The following CTNNA3 variants were observed in gnomAD, a reference collection of about 807,000 sequenced individuals.
CTNNA3 encodes catenin alpha-3.
Under a neutral mutation model 95.7 loss-of-function variants are expected in CTNNA3, and 76 were observed. That is an observed-to-expected ratio of 0.79 (90% CI 0.66 to 0.96). The LOEUF (loss-of-function observed/expected upper bound fraction) is 0.96, where lower values mean the gene tolerates loss of function less well. CTNNA3 is among the 40% of genes least tolerant of loss of function. The probability of loss-of-function intolerance (pLI) is 0.00; values close to 1 mark genes in which losing one functional copy is unlikely to be tolerated. For synonymous variants in CTNNA3, 431 were observed against 374.4 expected (o/e 1.15, Z -1.74); for missense variants, 1,191 against 1,089.8 (o/e 1.09, Z -1.31).
intron 7 of CTNNA3, among the ~76,000 whole-genome samples, chr10:66,885,768 A>C (rs1845019768): frequency 6.6e-6 from 1 of 152,182 alleles, no homozygotes; most frequent in African/African-American, 2.4e-5. Context: ...TGAATAAAGG[A>C]TAATAGAAAG....
chr10:67,405,519 A>T (rs1312056702), intron 5 of CTNNA3, among the ~76,000 whole-genome samples: 5 of 152,246 alleles, frequency 3.3e-5, no homozygotes, highest in African/African-American at 1.2e-4. Context: ...ATGTGCACCC[A>T]AAACAGGAAC....
At chr10:67,479,317 T>A (rs1180611796) in intron 5 of CTNNA3, among the ~76,000 whole-genome samples, 1 of 152,122 alleles carries the variant, frequency 6.6e-6, no homozygotes, top group Non-Finnish European at 1.5e-5. Flanking sequence ...CACCTGTACA[T>A]GGAACATACT....
At chr10:67,380,290 T>C (rs1843888396) in intron 5 of CTNNA3, among the ~76,000 whole-genome samples, 1 of 152,146 alleles carries the variant, frequency 6.6e-6, no homozygotes, top group South Asian at 2.1e-4. Flanking sequence ...TTCATTCCAC[T>C]TAGAAATTCT....
intron 13 of CTNNA3, among the ~76,000 whole-genome samples, chr10:66,154,976 T>C (rs949501561): frequency 6.6e-6 from 1 of 151,514 alleles, no homozygotes; most frequent in South Asian, 2.1e-4. Flanking sequence ...TTGTGAGGCA[T>C]ACAATATTTT....
chr10:67,632,686 G>A (rs1176302440), intron 2 of CTNNA3, among the ~76,000 whole-genome samples: 6 of 152,108 alleles, frequency 3.9e-5, no homozygotes, highest in Non-Finnish European at 8.8e-5. Context: ...CGTGGATCAG[G>A]AGATCCTCTC....
upstream of CTNNA3, among the ~76,000 whole-genome samples, chr10:67,700,873 T>A (rs563120665): frequency 1.2e-4 from 18 of 152,162 alleles, no homozygotes; most frequent in South Asian, 1.7e-3. Context: ...AGTTGAAAAC[T>A]TTGAAAAAAA....
chr10:66,317,935 G>A (rs2092124033), intron 12 of CTNNA3, among the ~76,000 whole-genome samples: 1 of 151,902 alleles, frequency 6.6e-6, no homozygotes, highest in South Asian at 2.1e-4. Flanking sequence ...ATTTTATAGA[G>A]TCGGATATTT....
intron 10 of CTNNA3, among the ~76,000 whole-genome samples, chr10:66,616,688 T>A (rs1292897178): frequency 2.0e-5 from 3 of 152,052 alleles, no homozygotes; most frequent in African/African-American, 7.2e-5. Context: ...GAAACCTACG[T>A]GAATTCAATT....
chr10:67,058,850 C>A (rs1387285989), intron 7 of CTNNA3, among the ~76,000 whole-genome samples: 1 of 152,124 alleles, frequency 6.6e-6, no homozygotes, highest in African/African-American at 2.4e-5. Context: ...AGACACATAT[C>A]AATTTCTAAG....
At chr10:67,679,272 C>A (rs1282348298) in intron 1 of CTNNA3, among the ~76,000 whole-genome samples, 1 of 152,020 alleles carries the variant, frequency 6.6e-6, no homozygotes, top group Non-Finnish European at 1.5e-5. Flanking sequence ...TGGCTTCTAC[C>A]CACTAGATGC....
intron 7 of CTNNA3, among the ~76,000 whole-genome samples, chr10:67,069,383 T>C (rs1414265972): frequency 6.6e-6 from 1 of 152,076 alleles, no homozygotes; most frequent in Non-Finnish European, 1.5e-5. Flanking sequence ...TTTCCAAGAA[T>C]AGGAAGCTTA....
At chr10:66,268,020 A>C (rs1040752291) in intron 13 of CTNNA3, among the ~76,000 whole-genome samples, 1 of 152,144 alleles carries the variant, frequency 6.6e-6, no homozygotes, top group Non-Finnish European at 1.5e-5. Flanking sequence ...ATTAATAAGC[A>C]AAAGACTGTT....
At chr10:66,747,147 T>C (rs986470288) in intron 9 of CTNNA3, among the ~76,000 whole-genome samples, 6 of 152,244 alleles carry the variant, frequency 3.9e-5, no homozygotes, top group South Asian at 2.1e-4. Context: ...TTCAAATGTT[T>C]TGACTTTATT....
intron 14 of CTNNA3, among the ~76,000 whole-genome samples, chr10:66,071,881 T>C (rs1428201230): frequency 6.6e-6 from 1 of 152,212 alleles, no homozygotes; most frequent in Non-Finnish European, 1.5e-5. Context: ...TTATCCATTA[T>C]TTTTCAATGA....
intron 7 of CTNNA3, among the ~76,000 whole-genome samples, chr10:67,070,483 T>C (rs554051120): frequency 1.3e-5 from 2 of 152,254 alleles, no homozygotes; most frequent in East Asian, 3.9e-4. Flanking sequence ...GAGCAGTGTC[T>C]CGTGCCTGTA....
chr10:67,511,565 A>G (rs989712700), intron 5 of CTNNA3, among the ~76,000 whole-genome samples: 2 of 152,190 alleles, frequency 1.3e-5, no homozygotes, highest in Non-Finnish European at 2.9e-5. Context: ...GTGGTGGCCA[A>G]GCTTTTTGAT....
At chr10:67,251,282 C>T (rs558457406) in intron 5 of CTNNA3, among the ~76,000 whole-genome samples, 1 of 152,172 alleles carries the variant, frequency 6.6e-6, no homozygotes, top group South Asian at 2.1e-4. Flanking sequence ...CTAGAATAGG[C>T]AAATCTATAG....
chr10:66,029,018 A>G (rs955800745), intron 15 of CTNNA3, among the ~76,000 whole-genome samples: 115 of 152,260 alleles, frequency 7.6e-4, no homozygotes, highest in Middle Eastern at 3.4e-3. Context: ...AAAAAAAGCT[A>G]AGAGACATAT....
intron 7 of CTNNA3, among the ~76,000 whole-genome samples, chr10:67,006,843 G>C (rs140585884): frequency 0.023 from 3,564 of 151,950 alleles, 55 homozygotes; most frequent in Non-Finnish European, 0.036. Flanking sequence ...GCCCAGGCTG[G>C]AGTGCAGTGG....
Sources: gnomAD v4.1 joint callset for allele counts (sites outside exome capture counted in the v4.1 genomes callset) on GRCh38, gnomAD v4.1.1 for gene constraint, MANE v1.5 for transcripts, NCBI Gene and HGNC (gene_info 2026-07-23, HGNC 2026-07-21) for gene names.